The following DIAPH1 variants were observed in gnomAD, a reference collection of about 807,000 sequenced individuals.
DIAPH1 encodes diaphanous related formin 1, also known as protein diaphanous homolog 1.
DIAPH1 carries 46 observed loss-of-function variants against 140.7 expected under a neutral mutation model. That is an observed-to-expected ratio of 0.33 (90% CI 0.26 to 0.42). The LOEUF is 0.42. Among genes scored for constraint, DIAPH1 ranks in the 10% least tolerant of loss-of-function variants. DIAPH1 has a pLI of 1.00. For synonymous variants in DIAPH1, 565 were observed against 551.6 expected (o/e 1.02, Z -0.34); for missense variants, 1,310 against 1,558.7 (o/e 0.84, Z 2.69).
intron 1 of DIAPH1, among the ~76,000 whole-genome samples, chr5:141,600,132 C>T (rs919207961): frequency 1.3e-5 from 2 of 152,192 alleles, no homozygotes; most frequent in East Asian, 3.9e-4. Context: ...TTCAGGATGC[C>T]ATTTCTGGCA....
At chr5:141,613,238 T>C (rs558323265) in intron 1 of DIAPH1, among the ~76,000 whole-genome samples, 2 of 152,284 alleles carry the variant, frequency 1.3e-5, no homozygotes, top group East Asian at 1.9e-4. Context: ...TCCCCCGCCT[T>C]GGAGGAAAGA....
rs1245587441 is a variant in DIAPH1, at chr5:141,517,120, T to G, written c.3662-112A>C. On this transcript the variant is annotated intron_variant, in intron 27 of 27. Coordinates refer to ENST00000389054, the MANE Select transcript of DIAPH1 (RefSeq NM_005219.5). ...ATGCAGACATGACTACCTTGGCCACTTCACAGAGGCCCTTACTTTGAAGAA... is the reference window on the plus strand; with the variant it reads ...ATGCAGACATGACTACCTTGGCCACGTCACAGAGGCCCTTACTTTGAAGAA... The G allele has an allele frequency of 4.1e-6, 5 of 1,210,832 alleles. No homozygotes were observed. In the East Asian group the frequency reaches 1.3e-4, roughly 31 times the overall value. The allele number at this position is 1,210,832 out of a possible 1,614,324, so 75.0% of individuals were successfully genotyped here. A position where few individuals can be genotyped will look rare whatever the true frequency, so the allele number is the denominator to read the frequency against.
Position 141,516,627 on chromosome 5 carries a change from C to T in DIAPH1, c.*224G>A, listed in dbSNP as rs182541836. On this transcript the variant is annotated 3_prime_UTR_variant, in exon 28 of 28. Coordinates refer to ENST00000389054, the MANE Select transcript of DIAPH1 (RefSeq NM_005219.5). ...TTGGTAATACAACAGCCAGGGCTGG[C>T]TAAGTCGGGCTCAGGCCTCCCCTGC... 117 of 593,776 alleles carry T rather than the reference C, an allele frequency of 2.0e-4. 1 individual carries two copies. In the African/African-American group the frequency reaches 2.0e-3, roughly 10 times the overall value. 36.8% of individuals were successfully genotyped at this position (593,776 alleles called of 1,614,324 possible).
chr5:141,550,283 A>G (rs971701127), intron 18 of DIAPH1, among the ~76,000 whole-genome samples: 8 of 152,306 alleles, frequency 5.3e-5, no homozygotes, highest in Admixed American at 5.2e-4. Flanking sequence ...ACAAATCCAA[A>G]CTGATGGACA....
intron 18 of DIAPH1, among the ~76,000 whole-genome samples, chr5:141,547,890 CA>C (rs993007139): frequency 6.6e-6 from 1 of 151,952 alleles, no homozygotes; most frequent in African/African-American, 2.4e-5. Flanking sequence ...TGCTAAAAAT[CA>C]GAGTTAAAAA....
intron 23 of DIAPH1, 102 bp downstream of exon 23, chr5:141,528,351 T>A: frequency 6.5e-7 from 1 of 1,545,186 alleles, no homozygotes; most frequent in South Asian, 1.1e-5. Flanking sequence ...CATTTCCACT[T>A]GAAATAGTCT....
intron 3 of DIAPH1, 116 bp downstream of exon 3, chr5:141,586,926 T>A (rs968068297): frequency 1.8e-6 from 2 of 1,091,984 alleles, no homozygotes; most frequent in African/African-American, 3.1e-5. Context: ...AAAAGTTCCA[T>A]GTTAAGCCTG....
At chr5:141,534,203 G>A in intron 19 of DIAPH1, 132 bp downstream of exon 19, 1 of 728,702 alleles carries the variant, frequency 1.4e-6, no homozygotes, top group South Asian at 1.5e-5. Flanking sequence ...AAAATTCACT[G>A]TGCAATGGTT....
intron 18 of DIAPH1, among the ~76,000 whole-genome samples, chr5:141,536,264 T>C (rs1384323021): frequency 6.6e-6 from 1 of 152,212 alleles, no homozygotes; most frequent in African/African-American, 2.4e-5. Flanking sequence ...ATGGTGCCAC[T>C]GCACTCCAGC....
chr5:141,557,446 G>GCATTT (rs2099892790), intron 18 of DIAPH1, among the ~76,000 whole-genome samples: 1 of 152,072 alleles, frequency 6.6e-6, no homozygotes, highest in African/African-American at 2.4e-5. Context: ...ATGTGTGCGT[G>GCATTT]CATTTTTTTC....
At chr5:141,553,664 C>T (rs1216636253) in intron 18 of DIAPH1, among the ~76,000 whole-genome samples, 1 of 151,572 alleles carries the variant, frequency 6.6e-6, no homozygotes. Flanking sequence ...CCCAAGAAAA[C>T]ATCGTCTCAA....
intron 27 of DIAPH1, among the ~76,000 whole-genome samples, chr5:141,520,449 G>A (rs1461068274): frequency 6.6e-6 from 1 of 152,106 alleles, no homozygotes; most frequent in African/African-American, 2.4e-5. Context: ...CCACAGTAAT[G>A]AGCTCATACA....
chr5:141,520,763 G>A (rs1386068457), intron 27 of DIAPH1, among the ~76,000 whole-genome samples: 1 of 152,070 alleles, frequency 6.6e-6, no homozygotes, highest in African/African-American at 2.4e-5. Context: ...GAATATTTCC[G>A]GCCCATACTG....
intron 27 of DIAPH1, among the ~76,000 whole-genome samples, chr5:141,520,250 A>AG (rs1294731294): frequency 9.2e-5 from 14 of 152,186 alleles, no homozygotes; most frequent in Admixed American, 9.2e-4. Context: ...TTACAAAAGT[A>AG]GGGGGGAGAA....
chr5:141,610,342 C>T (rs2099901626), intron 1 of DIAPH1, among the ~76,000 whole-genome samples: 1 of 151,628 alleles, frequency 6.6e-6, no homozygotes, highest in Non-Finnish European at 1.5e-5. Flanking sequence ...CACTCTGTCG[C>T]CAGGCTGGAG....
rs548052254 is a variant in DIAPH1 at position 141,571,893 on chromosome 5, C to T, written c.2473+33G>A. On this transcript the variant is annotated intron_variant, in intron 17 of 27. Transcript: ENST00000389054. ...ATGAAAAAATATTCTAAGCCCTACA[C>T]TGGACCTTTGCATCAAAGAGGAAGG... 3 of 1,455,462 alleles carry T rather than the reference C, an allele frequency of 2.1e-6. No individual in the cohort carries two copies. In the South Asian group the frequency reaches 3.4e-5, roughly 17 times the overall value. 90.2% of individuals were successfully genotyped at this position (1,455,462 alleles called of 1,614,324 possible). A position where few individuals can be genotyped will look rare whatever the true frequency, so the allele number is the denominator to read the frequency against.
chr5:141,610,521 G>C (rs62380762), intron 1 of DIAPH1, among the ~76,000 whole-genome samples: 29,953 of 151,766 alleles, frequency 0.2, 3,137 homozygotes, highest in Admixed American at 0.29. Context: ...GGATGGTCTC[G>C]ATCTCTTCAT....
At chr5:141,594,338 A>G (rs1354541871) in intron 1 of DIAPH1, among the ~76,000 whole-genome samples, 1 of 152,252 alleles carries the variant, frequency 6.6e-6, no homozygotes, top group Non-Finnish European at 1.5e-5. Context: ...GACATCCTTT[A>G]GTAGGTGAAC....
At chr5:141,562,433 C>A (rs2099893702) in intron 18 of DIAPH1, among the ~76,000 whole-genome samples, 2 of 151,880 alleles carry the variant, frequency 1.3e-5, no homozygotes, top group Non-Finnish European at 2.9e-5. Context: ...GGACAAGAAT[C>A]TGTATCAGTA....
Sources: allele counts gnomAD v4.1 joint callset (sites outside exome capture counted in the v4.1 genomes callset), GRCh38; gene constraint gnomAD v4.1.1; transcripts MANE v1.5; gene names NCBI Gene and HGNC (gene_info 2026-07-23, HGNC 2026-07-21).